Variants in FASTKD2 observed in about 807,000 individuals in gnomAD.
FASTKD2 encodes the protein FAST kinase domain-containing protein 2, mitochondrial.
Under a neutral mutation model 63.6 loss-of-function variants are expected in FASTKD2, and 51 were observed. The observed-to-expected ratio is 0.80, with a 90% CI of 0.64 to 1.01. The LOEUF (loss-of-function observed/expected upper bound fraction) is 1.01, where lower values mean the gene tolerates loss of function less well. FASTKD2 is among the 50% of genes least tolerant of loss of function. The probability of loss-of-function intolerance (pLI) is 0.00; values close to 1 mark genes in which losing one functional copy is unlikely to be tolerated. For missense variants in FASTKD2, 786 were observed against 831.1 expected (o/e 0.95, Z 0.67); for synonymous variants, 284 against 293.4 (o/e 0.97, Z 0.33).
At chr2:206,790,731 C>A in intron 11 of FASTKD2, 45 bp downstream of exon 11, 1 of 1,102,420 alleles carries the variant, frequency 9.1e-7, no homozygotes, top group Non-Finnish European at 1.4e-6. Flanking sequence ...TACTGATGTA[C>A]ATTCTAACAG....
Position 206,785,641 on chromosome 2 carries a change from C to T in FASTKD2, c.1428-1092C>T, listed in dbSNP as rs139643890. Among the ~76,000 whole-genome samples, 476 of 152,286 alleles carry T rather than the reference C, an allele frequency of 3.1e-3. 3 individuals carry two copies. Among genetic ancestry groups the T allele is most frequent in the African/African-American group, 0.011 (460 of 41,568 alleles). On this transcript the variant is annotated intron_variant, in intron 7 of 11. Transcript: ENST00000402774. ...ACTTCCTTGTCCACACCATCCCCTG[C>T]CCCCGCATCCCACTGCATGTTCCAA...
At chr2:206,786,549 G>A in intron 7 of FASTKD2, 184 bp from the exon 8 acceptor site, 2 of 619,804 alleles carry the variant, frequency 3.2e-6, no homozygotes, top group South Asian at 3.6e-5. Flanking sequence ...TTTGTCTCGT[G>A]CAAGACATAC....
At chr2:206,790,409 A>G in intron 10 of FASTKD2, 163 bp from the exon 11 acceptor site, 1 of 637,120 alleles carries the variant, frequency 1.6e-6, no homozygotes, top group Non-Finnish European at 2.9e-6. Flanking sequence ...GTATAGTGGA[A>G]TATCTGCAGA....
At chr2:206,774,630 A>G (rs1483726129) in intron 7 of FASTKD2, among the ~76,000 whole-genome samples, 2 of 152,026 alleles carry the variant, frequency 1.3e-5, no homozygotes, top group Non-Finnish European at 2.9e-5. Context: ...TAGTTAATTC[A>G]TTATAGGAGT....
intron 7 of FASTKD2, among the ~76,000 whole-genome samples, chr2:206,784,208 C>G (rs1428322163): frequency 6.6e-6 from 1 of 152,198 alleles, no homozygotes; most frequent in Non-Finnish European, 1.5e-5. Flanking sequence ...TCTTCCTAGA[C>G]CATTTATGAG....
rs1393658721 is a variant in FASTKD2 at position 206,771,250 on chromosome 2, T to C, written c.950T>C (p.Ile317Thr). 1 of 1,611,812 alleles carries C rather than the reference T, an allele frequency of 6.2e-7. No individual in the cohort carries two copies. The highest frequency in any genetic ancestry group is 1.3e-5 in the African/African-American group (1 of 74,962). ...ACATTACAAGTTGTGATGAAGTGTATTGGAAAAGATGCACCGATTGCTCTT... is the reference window on the plus strand; with the variant it reads ...ACATTACAAGTTGTGATGAAGTGTACTGGAAAAGATGCACCGATTGCTCTT... ...VFTLQVVMKC[I>T]GKDAPIALKR... The change falls in exon 4 of 12, where the codon ATT becomes ACT. Residue 317 changes from isoleucine (I) to threonine (T), a missense_variant. Coordinates refer to ENST00000402774, the MANE Select transcript of FASTKD2 (RefSeq NM_001136193.2).
chr2:206,768,675 G>T (rs1426393143), intron 2 of FASTKD2, among the ~76,000 whole-genome samples: 1 of 152,200 alleles, frequency 6.6e-6, no homozygotes, highest in African/African-American at 2.4e-5. Context: ...ACTCCAGCCT[G>T]GGTGACAGAG....
At chr2:206,775,857 C>G (rs577562273) in intron 7 of FASTKD2, among the ~76,000 whole-genome samples, 2 of 151,940 alleles carry the variant, frequency 1.3e-5, no homozygotes, top group East Asian at 3.9e-4. Flanking sequence ...TGCAAGGGTT[C>G]CAATTTCTCC....
rs758279920 is a variant in FASTKD2 at position 206,790,603 on chromosome 2, T to A, written c.1930T>A (p.Tyr644Asn). 6.2e-7 allele frequency: 1 copy of A among 1,612,418 alleles called. No homozygotes were observed. Among genetic ancestry groups the A allele is most frequent in the Admixed American group, 1.7e-5 (1 of 60,022 alleles). Residue 644 changes from tyrosine to asparagine, a missense_variant, in exon 11 of 12, where the codon TAT becomes AAT. By Grantham distance (143) the Tyr-to-Asn change is moderately radical. Transcript: ENST00000402774. ...VAVLCVSRSA[Y>N]CLGSSHPRGF... ...TGTGCTATGTGTTTCCAGATCTGCT[T>A]ATTGTTTGGGTTCAAGCCACCCCAG... is the stretch of plus-strand genomic sequence containing the variant.
rs569854101 is a variant in FASTKD2, at chr2:206,767,251, A to G, written c.558A>G (p.Thr186=). Residue 186 remains threonine, a synonymous_variant, in exon 2 of 12, where the codon ACA becomes ACG. Coordinates refer to ENST00000402774, the MANE Select transcript of FASTKD2 (RefSeq NM_001136193.2). ...APTFPSSNYF[T]AMWTIAKRLS... is the part of the protein sequence containing the mutation. ...CATTTCCTAGTAGCAACTATTTCAC[A>G]GCAATGTGGACAATTGCCAAAAGAC... 4.1e-5 allele frequency: 66 copies of G among 1,614,216 alleles called. No individual in the cohort carries two copies. In the East Asian group the frequency reaches 4.5e-4, roughly 11 times the overall value.
intron 8 of FASTKD2, 76 bp from the exon 9 acceptor site, chr2:206,787,861 T>C: frequency 1.5e-6 from 1 of 655,770 alleles, no homozygotes; most frequent in East Asian, 3.0e-5. Flanking sequence ...TAACTATTAC[T>C]AAATATATAC....
At position 206,770,624 on chromosome 2, in the gene FASTKD2, G is replaced by A. The variant is rs949495962; in HGVS notation, c.881+430G>A. Reference sequence around the variant, plus strand: ...GGGTGCCTGTAGTCCCAGCTGCTTGGGAGGCTGAGGCAGGAGAATGGCGTG... The same window carrying A: ...GGGTGCCTGTAGTCCCAGCTGCTTGAGAGGCTGAGGCAGGAGAATGGCGTG... On this transcript the variant is annotated intron_variant, in intron 3 of 11. Transcript: ENST00000402774. Among the ~76,000 whole-genome samples the A allele has an allele frequency of 2.6e-4, 40 of 151,650 alleles. 1 individual carries two copies. The highest frequency in any genetic ancestry group is 9.5e-4 in the African/African-American group (39 of 41,238).
At position 206,768,996 on chromosome 2, in the gene FASTKD2, C is replaced by T. The variant is rs536678629; in HGVS notation, c.778-1095C>T. Among the ~76,000 whole-genome samples, 12 of 152,250 alleles carry T rather than the reference C, an allele frequency of 7.9e-5. No individual in the cohort carries two copies. In the South Asian group the frequency reaches 2.5e-3, roughly 32 times the overall value. ...CCTTACCTGGTCAGTGATGCTCTTACTAGATTTTGGACAGATATTTGCATC... is the reference window on the plus strand; with the variant it reads ...CCTTACCTGGTCAGTGATGCTCTTATTAGATTTTGGACAGATATTTGCATC... On this transcript the variant is annotated intron_variant, in intron 2 of 11. Coordinates refer to ENST00000402774, the MANE Select transcript of FASTKD2 (RefSeq NM_001136193.2).
At chr2:206,770,861 G>T (rs952477779) in intron 3 of FASTKD2, among the ~76,000 whole-genome samples, 2 of 152,042 alleles carry the variant, frequency 1.3e-5, no homozygotes, top group African/African-American at 2.4e-5. Flanking sequence ...TTATAAAATT[G>T]ATATAAATGA....
At chr2:206,782,587 C>A (rs1275613003) in intron 7 of FASTKD2, among the ~76,000 whole-genome samples, 2 of 152,208 alleles carry the variant, frequency 1.3e-5, no homozygotes, top group African/African-American at 2.4e-5. Context: ...CCCAGAACAT[C>A]TTTTCTTACT....
chr2:206,765,994 G>T (rs1372445341), intron 1 of FASTKD2, among the ~76,000 whole-genome samples: 1 of 152,038 alleles, frequency 6.6e-6, no homozygotes, highest in Non-Finnish European at 1.5e-5. Context: ...TGATCTATCA[G>T]CCGGGCGCGG....
chr2:206,774,766 T>C (rs1238890736), intron 7 of FASTKD2, among the ~76,000 whole-genome samples: 1 of 152,098 alleles, frequency 6.6e-6, no homozygotes, highest in Non-Finnish European at 1.5e-5. Flanking sequence ...TAAGAACATT[T>C]AGTAAATTTT....
chr2:206,772,960 A>G (rs1403049884), intron 6 of FASTKD2, among the ~76,000 whole-genome samples: 1 of 152,156 alleles, frequency 6.6e-6, no homozygotes, highest in Non-Finnish European at 1.5e-5. Context: ...TCTGTATACT[A>G]TTCTATCCTT....
intron 8 of FASTKD2, 40 bp downstream of exon 8, chr2:206,786,939 A>AT: frequency 2.7e-6 from 2 of 730,148 alleles, no homozygotes; most frequent in Non-Finnish European, 2.3e-6. Flanking sequence ...ATTGTGACCA[A>AT]TTCTGCACTA....
Sources: gnomAD v4.1 joint callset for allele counts (sites outside exome capture counted in the v4.1 genomes callset) on GRCh38, gnomAD v4.1.1 for gene constraint, MANE v1.5 for transcripts, NCBI Gene and HGNC (gene_info 2026-07-23, HGNC 2026-07-21) for gene names.